RPA1: variants seen among roughly 807,000 people sequenced by gnomAD.
RPA1 encodes the protein replication protein A 70 kDa DNA-binding subunit.
In RPA1, 49 loss-of-function variants were observed where a neutral mutation model predicts 83.0. That is an observed-to-expected ratio of 0.59 (90% CI 0.47 to 0.75). The LOEUF is 0.75. RPA1 is among the 30% of genes least tolerant of loss of function. The probability of loss-of-function intolerance (pLI) is 0.00; values close to 1 mark genes in which losing one functional copy is unlikely to be tolerated. For synonymous variants in RPA1, 279 were observed against 281.8 expected, an observed-to-expected ratio of 0.99 and a Z score of 0.10; for missense variants, 693 against 776.1, an observed-to-expected ratio of 0.89 and a Z score of 1.27.
chr17:1,858,412 T>C, intron 5 of RPA1: 1 of 1,578,568 alleles, frequency 6.3e-7, no homozygotes, highest in Non-Finnish European at 8.7e-7. Flanking sequence ...TCGGAGGCAA[T>C]GACGACCAAC....
At chr17:1,852,673 A>G (rs1472142182) in intron 4 of RPA1, among the ~76,000 whole-genome samples, 1 of 152,270 alleles carries the variant, frequency 6.6e-6, no homozygotes, top group African/African-American at 2.4e-5. Context: ...AGAGTTAAAA[A>G]GCAAAAGAAC....
intron 5 of RPA1, among the ~76,000 whole-genome samples, chr17:1,856,504 C>G (rs926344395): frequency 2.0e-5 from 3 of 151,900 alleles, no homozygotes; most frequent in Non-Finnish European, 4.4e-5. Context: ...GAGGCTGAGG[C>G]AGGAGAATCA....
In RPA1 at chr17:1,880,595, G is replaced by A. The variant is rs750496171; in HGVS notation, c.1145G>A (p.Arg382Gln). The stretch of plus-strand genomic sequence containing the variant: ...CCCGTGTTGGCTATCAAAGGAGCCC[G>A]AGTCTCTGATTTCGGTGGACGGAGC... The part of the protein sequence containing the change: ...RQPVLAIKGA[R>Q]VSDFGGRSLS... Residue 382 changes from arginine (R) to glutamine (Q), a missense_variant, in exon 12 of 17, where the codon CGA becomes CAA. By Grantham distance (43) the Arg-to-Gln change is conservative (BLOSUM62 1). Coordinates refer to ENST00000254719, the MANE Select transcript of RPA1 (RefSeq NM_002945.5). 5.0e-6 allele frequency: 8 copies of A among 1,614,118 alleles called. No homozygotes were observed. Among genetic ancestry groups the A allele is most frequent in the East Asian group, 2.2e-5 (1 of 44,872 alleles).
Position 1,879,046 on chromosome 17 carries a change from T to C in RPA1, c.744T>C (p.Leu248=), listed in dbSNP as rs762777537. 7.4e-6 allele frequency: 12 copies of C among 1,614,016 alleles called. No individual in the cohort carries two copies. In the Admixed American group the frequency reaches 8.3e-5, roughly 11 times the overall value. The change falls in exon 9 of 17, where the codon CTT becomes CTC. Residue 248 remains leucine (L), a synonymous_variant. Coordinates refer to ENST00000254719, the MANE Select transcript of RPA1 (RefSeq NM_002945.5). The part of the protein sequence containing the change: ...FNEQVDKFFP[L]IEVNKVYYFS... ...AGCAAGTGGACAAGTTCTTTCCTCTTATTGAAGTGAACAAGGTATGGCCGT... is the reference window on the plus strand; with the variant it reads ...AGCAAGTGGACAAGTTCTTTCCTCTCATTGAAGTGAACAAGGTATGGCCGT...
intron 12 of RPA1, 39 bp from the exon 13 acceptor site, chr17:1,883,773 C>T: frequency 1.9e-6 from 3 of 1,612,562 alleles, no homozygotes; most frequent in Non-Finnish European, 2.5e-6. Flanking sequence ...AAGCATGTCA[C>T]ATCAAGCGCT....
chr17:1,896,636 C>G (rs922989545), intron 16 of RPA1, among the ~76,000 whole-genome samples: 4 of 152,150 alleles, frequency 2.6e-5, no homozygotes, highest in Non-Finnish European at 4.4e-5. Context: ...CAGACTCGGT[C>G]CTCTCCCTCT....
At chr17:1,831,434 CTT>C (rs528303512) in intron 1 of RPA1, among the ~76,000 whole-genome samples, 1 of 150,960 alleles carries the variant, frequency 6.6e-6, no homozygotes, top group African/African-American at 2.4e-5. Flanking sequence ...CTGGCACCGT[CTT>C]TTTTTTTGCC....
rs551209697 is a variant in RPA1, at chr17:1,896,329, C to T, written c.1747-742C>T. Among the ~76,000 whole-genome samples the T allele has an allele frequency of 7.9e-5, 12 of 152,328 alleles. No homozygotes were observed. The Middle Eastern group carries it at 0.01, about 130-fold the overall frequency. ...TCGCCTGTGCAGCCTTCCTGGGTAT[C>T]ACTCCGTTCTGCCCGGAAAGGCACC... On this transcript the variant is annotated intron_variant, in intron 16 of 16. Transcript: ENST00000254719.
intron 5 of RPA1, 45 bp from the exon 6 acceptor site, chr17:1,872,388 AC>A (rs1820741349): frequency 2.5e-6 from 4 of 1,601,018 alleles, no homozygotes; most frequent in Non-Finnish European, 1.7e-6. Context: ...AAATCTCTTA[AC>A]CCAAATCCTT....
At chr17:1,883,295 C>T (rs1017430042) in intron 12 of RPA1, among the ~76,000 whole-genome samples, 1 of 152,136 alleles carries the variant, frequency 6.6e-6, no homozygotes, top group Non-Finnish European at 1.5e-5. Context: ...TCCCGAGTAG[C>T]TGGGATTACA....
At chr17:1,895,344 T>A (rs1012895210) in intron 16 of RPA1, among the ~76,000 whole-genome samples, 35 of 145,230 alleles carry the variant, frequency 2.4e-4, no homozygotes, top group East Asian at 1.9e-3. Flanking sequence ...TGTTTATTTT[T>A]TTTATTTTTA....
intron 1 of RPA1, among the ~76,000 whole-genome samples, chr17:1,838,334 T>A (rs535260665): frequency 6.6e-6 from 1 of 151,396 alleles, no homozygotes; most frequent in South Asian, 2.1e-4. Flanking sequence ...CAGGGTGCAG[T>A]GGCTAACGCC....
chr17:1,896,939 T>A, intron 16 of RPA1, 132 bp from the exon 17 acceptor site: 1 of 738,688 alleles, frequency 1.4e-6, no homozygotes. Context: ...TGTCACTCAC[T>A]GGAATGACTG....
In RPA1 at chr17:1,830,105, A is replaced by C; in HGVS notation, c.12A>C (p.Gln4His). The C allele has an allele frequency of 8.0e-7, 1 of 1,249,518 alleles. No homozygotes were observed. Among genetic ancestry groups the C allele is most frequent in the East Asian group, 3.1e-5 (1 of 31,822 alleles). 77.4% of individuals were successfully genotyped at this position (1,249,518 alleles called of 1,614,324 possible). MVG[Q>H]LSEGAIAAIM... ...TTGGCGGTGGAGCCATGGTCGGCCA[A>C]CTGAGCGAGGGGGCCATTGCGGTGA... is the stretch of plus-strand genomic sequence containing the variant. The change falls in exon 1 of 17, where the codon CAA becomes CAC. Residue 4 changes from glutamine to histidine, a missense_variant. By Grantham distance (24) the Gln-to-His change is conservative. Transcript: ENST00000254719.
intron 15 of RPA1, among the ~76,000 whole-genome samples, chr17:1,893,445 G>A (rs913101249): frequency 1.1e-4 from 11 of 100,002 alleles, no homozygotes; most frequent in Admixed American, 9.4e-4. Context: ...AAGTCCATTT[G>A]GTTTGGGTTT....
At chr17:1,844,101 C>A in intron 3 of RPA1, 103 bp downstream of exon 3, 1 of 906,110 alleles carries the variant, frequency 1.1e-6, no homozygotes, top group Non-Finnish European at 1.7e-6. Context: ...GAAGTCCGTA[C>A]TTGCTTGGCT....
chr17:1,879,904 A>T (rs986380965), intron 11 of RPA1, among the ~76,000 whole-genome samples: 1 of 144,322 alleles, frequency 6.9e-6, no homozygotes, highest in Non-Finnish European at 1.5e-5. Flanking sequence ...GTCCTATAGG[A>T]TGGGGCCTTC....
chr17:1,838,437 C>T (rs12950770), intron 1 of RPA1, among the ~76,000 whole-genome samples: 1 of 151,978 alleles, frequency 6.6e-6, no homozygotes, highest in Non-Finnish European at 1.5e-5. Flanking sequence ...AATCCCGTCT[C>T]TACTAAAAAT....
chr17:1,838,046 C>A (rs1911888223), intron 1 of RPA1, among the ~76,000 whole-genome samples: 1 of 152,146 alleles, frequency 6.6e-6, no homozygotes, highest in Middle Eastern at 3.4e-3. Context: ...AATCCCAGCA[C>A]TTTGGGAGGC....
Sources: gnomAD v4.1 joint callset for allele counts (sites outside exome capture counted in the v4.1 genomes callset) on GRCh38, gnomAD v4.1.1 for gene constraint, MANE v1.5 for transcripts, NCBI Gene and HGNC (gene_info 2026-07-23, HGNC 2026-07-21) for gene names.